CLN6: variants seen among roughly 807,000 people sequenced by gnomAD.
CLN6 encodes the protein ceroid-lipofuscinosis neuronal protein 6.
In CLN6, 22 loss-of-function variants were observed where a neutral mutation model predicts 33.3. That is an observed-to-expected ratio of 0.66 (90% CI 0.47 to 0.94). The LOEUF is 0.94. Among genes scored for constraint, CLN6 ranks in the 40% least tolerant of loss-of-function variants. The probability of loss-of-function intolerance (pLI) is 0.00; values close to 1 mark genes in which losing one functional copy is unlikely to be tolerated. For missense variants in CLN6, 387 were observed against 417.1 expected (o/e 0.93, Z 0.63); for synonymous variants, 201 against 174.6 (o/e 1.15, Z -1.19).
At position 68,208,102 on chromosome 15, in the gene CLN6, T is replaced by TCCATGGGGCCC; in HGVS notation, c.*37_*38insGGGCCCCATGG. 1 of 485,020 alleles carries TCCATGGGGCCC rather than the reference T, an allele frequency of 2.1e-6. No homozygotes were observed. The highest frequency in any genetic ancestry group is 3.4e-6 in the Non-Finnish European group (1 of 293,496). 30.0% of individuals were successfully genotyped at this position (485,020 alleles called of 1,614,324 possible). A position where few individuals can be genotyped will look rare whatever the true frequency, so the allele number is the denominator to read the frequency against. On this transcript the variant is annotated 3_prime_UTR_variant, in exon 7 of 7. Transcript: ENST00000249806. The surrounding 1 kb of genome is among the most constrained non-coding windows in gnomAD (Gnocchi z 5.8). ...TTCAGATGCCCTCCATGGCCCACCC[T>TCCATGGGGCCC]CCCACCCAGCAGAGCGCCAGAGCCT...
Position 68,208,153 on chromosome 15 carries a change from C to T in CLN6, c.923G>A (p.Ser308Asn). 3 of 1,557,668 alleles carry T rather than the reference C, an allele frequency of 1.9e-6. No homozygotes were observed. Among genetic ancestry groups the T allele is most frequent in the Non-Finnish European group, 2.6e-6 (3 of 1,145,432 alleles). The change falls in exon 7 of 7, where the codon AGC becomes AAC. Residue 308 changes from serine (S) to asparagine (N), a missense_variant. Coordinates refer to ENST00000249806, the MANE Select transcript of CLN6 (RefSeq NM_017882.3). The surrounding 1 kb of genome is among the most constrained non-coding windows in gnomAD (Gnocchi z 5.8). ...EPWAFYTLHV[S>N]SRH Reference sequence around the variant, plus strand: ...GGTGCCAGGGACTCAGTGCCGACTGCTGACGTGAAGGGTGTAGAAAGCCCA... The same window carrying T: ...GGTGCCAGGGACTCAGTGCCGACTGTTGACGTGAAGGGTGTAGAAAGCCCA...
chr15:68,251,948 T>A (rs1401034948), intron 1 of CLN6, among the ~76,000 whole-genome samples: 1 of 150,484 alleles, frequency 6.6e-6, no homozygotes, highest in Non-Finnish European at 1.5e-5. Flanking sequence ...TGTGTATGTG[T>A]GTGTGTGTAT....
At chr15:68,249,987 G>T (rs555113887) in intron 1 of CLN6, among the ~76,000 whole-genome samples, 1 of 152,072 alleles carries the variant, frequency 6.6e-6, no homozygotes, top group Admixed American at 6.5e-5. Context: ...TGGTCAGGCC[G>T]ATCTCGAACT....
rs769222936 is a variant in CLN6, at chr15:68,211,216, G to A, written c.542+47C>T. On this transcript the variant is annotated intron_variant, in intron 5 of 6. Coordinates refer to ENST00000249806, the MANE Select transcript of CLN6 (RefSeq NM_017882.3). This position sits in a 1 kb window ranked among gnomAD's most constrained non-coding sequence, Gnocchi z 5.9. ...TGTCCCTGAGCCAGTGACAGGGCTA[G>A]CCGGTAGTTGGGGCCCCTGGGATAG... The A allele has an allele frequency of 2.0e-6, 3 of 1,534,846 alleles. No individual in the cohort carries two copies. The highest frequency in any genetic ancestry group is 2.2e-5 in the South Asian group (2 of 89,498).
At position 68,226,380 on chromosome 15, in the gene CLN6, G is replaced by A. The variant is rs569111745; in HGVS notation, c.83+3122C>T. On this transcript the variant is annotated intron_variant, in intron 1 of 6. Transcript: ENST00000249806. ...CTGTTTGGGTTCATATCCCAGCTCT[G>A]CCACTAACCAGATCTTGAGCAAGTC... Among the ~76,000 whole-genome samples the A allele has an allele frequency of 2.5e-3, 374 of 151,368 alleles. 2 individuals carry two copies. The highest frequency in any genetic ancestry group is 8.6e-3 in the African/African-American group (353 of 41,174).
chr15:68,253,288 G>A (rs1014985968), intron 1 of CLN6, among the ~76,000 whole-genome samples: 1 of 152,192 alleles, frequency 6.6e-6, no homozygotes, highest in Non-Finnish European at 1.5e-5. Context: ...ACATCACTGT[G>A]GCATGGATCT....
Position 68,246,707 on chromosome 15 carries a change from TGAAA to T in CLN6, c.179+9979_179+9982del, listed in dbSNP as rs1265009004. ...ACATGTTAGAAGGAAATTATTAGAA[TGAAA>T]GAAATAATAAATATCAGAGCAGAAA... On this transcript the variant is annotated intron_variant, in intron 1 of 6. Transcript: ENST00000538696. This position sits in a 1 kb window ranked among gnomAD's most constrained non-coding sequence, Gnocchi z 4.5. Among the ~76,000 whole-genome samples the T allele has an allele frequency of 6.6e-6, 1 of 151,592 alleles. No homozygotes were observed. The highest frequency in any genetic ancestry group is 2.4e-5 in the African/African-American group (1 of 41,178).
At chr15:68,249,086 C>CTT (rs1892353680) in intron 1 of CLN6, among the ~76,000 whole-genome samples, 1 of 152,180 alleles carries the variant, frequency 6.6e-6, no homozygotes, top group Non-Finnish European at 1.5e-5. Flanking sequence ...CTCAACATCA[C>CTT]TAATCATCAG....
At position 68,208,442 on chromosome 15, in the gene CLN6, C is replaced by A. The variant is rs1230652245; in HGVS notation, c.666-32G>T. On this transcript the variant is annotated intron_variant, in intron 6 of 6. Transcript: ENST00000249806. The surrounding 1 kb of genome is among the most constrained non-coding windows in gnomAD (Gnocchi z 5.8). ...AGGCCAGGGGTGAGTGAGGCAGCTG[C>A]CGTGGCAACCCCGTCCTGCCTGGCA... 1 of 1,610,434 alleles carries A rather than the reference C, an allele frequency of 6.2e-7. No homozygotes were observed. The highest frequency in any genetic ancestry group is 1.1e-5 in the South Asian group (1 of 90,798).
chr15:68,214,213 A>G (rs1238206965), intron 3 of CLN6, 77 bp downstream of exon 3: 38 of 1,123,100 alleles, frequency 3.4e-5, no homozygotes, highest in South Asian at 5.0e-5. Flanking sequence ...GTCAGGACAC[A>G]GGGCTTAGCA....
rs2141135697 is a variant in CLN6, at chr15:68,208,068, A to T, written c.*72T>A. 6.7e-7 allele frequency: 1 copy of T among 1,501,974 alleles called. No individual in the cohort carries two copies. The highest frequency in any genetic ancestry group is 2.5e-5 in the East Asian group (1 of 40,610). The allele number at this position is 1,501,974 out of a possible 1,614,324, so 93.0% of individuals were successfully genotyped here. A position where few individuals can be genotyped will look rare whatever the true frequency, so the allele number is the denominator to read the frequency against. Reference sequence around the variant, plus strand: ...CTGGTTACACACCCACACCCCCCCTACTCCTGTATTCAGATGCCCTCCATG... The same window carrying T: ...CTGGTTACACACCCACACCCCCCCTTCTCCTGTATTCAGATGCCCTCCATG... On this transcript the variant is annotated 3_prime_UTR_variant, in exon 7 of 7. Coordinates refer to ENST00000249806, the MANE Select transcript of CLN6 (RefSeq NM_017882.3). The surrounding 1 kb of genome is among the most constrained non-coding windows in gnomAD (Gnocchi z 5.8).
At chr15:68,232,287 A>G (rs868523483), upstream of CLN6, among the ~76,000 whole-genome samples, 2 of 151,644 alleles carry the variant, frequency 1.3e-5, no homozygotes, top group South Asian at 2.1e-4. The surrounding 1 kb of genome is among the most constrained non-coding windows in gnomAD (Gnocchi z 4.7). Flanking sequence ...CCTCCCAAGT[A>G]GCTGGGACTA....
At chr15:68,237,683 T>C (rs1892234366) in intron 1 of CLN6, among the ~76,000 whole-genome samples, 1 of 151,718 alleles carries the variant, frequency 6.6e-6, no homozygotes, top group African/African-American at 2.4e-5. Flanking sequence ...AATGAGAAAG[T>C]CTAAAAAATA....
chr15:68,232,100 G>T (rs2093269292), upstream of CLN6, among the ~76,000 whole-genome samples: 1 of 151,784 alleles, frequency 6.6e-6, no homozygotes, highest in Admixed American at 6.6e-5. The surrounding 1 kb of genome is among the most constrained non-coding windows in gnomAD (Gnocchi z 4.7). Context: ...GCATCTTGGT[G>T]GTTTTGACTT....
chr15:68,244,113 C>T (rs770944553), intron 1 of CLN6, among the ~76,000 whole-genome samples: 5 of 151,252 alleles, frequency 3.3e-5, no homozygotes, highest in Non-Finnish European at 7.4e-5. Flanking sequence ...CTAGCTTTAA[C>T]ATTAAAGATG....
chr15:68,217,275 A>G (rs2093223113), intron 2 of CLN6, among the ~76,000 whole-genome samples: 1 of 152,146 alleles, frequency 6.6e-6, no homozygotes, highest in Non-Finnish European at 1.5e-5. Flanking sequence ...TGTGTTGCCC[A>G]GGCTGGAGTG....
At chr15:68,254,353 G>A (rs893944784) in intron 1 of CLN6, among the ~76,000 whole-genome samples, 3 of 152,154 alleles carry the variant, frequency 2.0e-5, no homozygotes, top group Admixed American at 6.5e-5. Context: ...CCACCCACTT[G>A]CAGCTTCACT....
rs2141139170 is a variant in CLN6 at position 68,211,699 on chromosome 15, G to A, written c.462C>T (p.Ile154=). ...HHLSVRENPI[I]KNLKPETLID... is the part of the protein sequence containing the mutation. The stretch of plus-strand genomic sequence containing the variant: ...CCAGCGTCTCCGGCTTGAGATTCTT[G>A]ATGATGGGGTTCTCACGGACAGACA... The change falls in exon 4 of 7, where the codon ATC becomes ATT. Residue 154 remains isoleucine (I), a synonymous_variant. Coordinates refer to ENST00000249806, the MANE Select transcript of CLN6 (RefSeq NM_017882.3). This position sits in a 1 kb window ranked among gnomAD's most constrained non-coding sequence, Gnocchi z 5.9. 3 of 1,613,868 alleles carry A rather than the reference G, an allele frequency of 1.9e-6. No homozygotes were observed. The highest frequency in any genetic ancestry group is 2.5e-6 in the Non-Finnish European group (3 of 1,180,006).
chr15:68,238,226 A>G (rs1229608382), intron 1 of CLN6, among the ~76,000 whole-genome samples: 3 of 151,384 alleles, frequency 2.0e-5, no homozygotes, highest in Non-Finnish European at 4.4e-5. Flanking sequence ...CAACATGGTG[A>G]AACCCTATCT....
Sources: gnomAD v4.1 joint callset for allele counts (sites outside exome capture counted in the v4.1 genomes callset) on GRCh38, gnomAD v4.1.1 for gene constraint, Gnocchi (gnomAD v3.1) non-coding constraint, MANE v1.5 for transcripts, NCBI Gene and HGNC (gene_info 2026-07-23, HGNC 2026-07-21) for gene names.